DBT: variants seen among roughly 807,000 people sequenced by gnomAD.
DBT encodes dihydrolipoamide branched chain transacylase E2.
Under a neutral mutation model 51.3 loss-of-function variants are expected in DBT, and 40 were observed. The ratio of observed to expected loss-of-function variants is 0.78; its 90% confidence interval spans 0.61 to 1.02. The LOEUF (loss-of-function observed/expected upper bound fraction) is 1.02, where lower values mean the gene tolerates loss of function less well. Ranked by LOEUF, DBT falls within the 50% of genes least tolerant of loss-of-function variation. DBT has a pLI of 0.00. For synonymous variants in DBT, 181 were observed against 190.4 expected (o/e 0.95, Z 0.41); for missense variants, 510 against 580.2 (o/e 0.88, Z 1.24).
At chr1:100,197,750 G>A (rs1661198826) in intron 10 of DBT, among the ~76,000 whole-genome samples, 1 of 152,164 alleles carries the variant, frequency 6.6e-6, no homozygotes, top group African/African-American at 2.4e-5. Context: ...AGGTTGGATT[G>A]ATCAGTCATC....
chr1:100,200,157 C>A (rs143962287), intron 10 of DBT, among the ~76,000 whole-genome samples: 5 of 152,290 alleles, frequency 3.3e-5, no homozygotes, highest in African/African-American at 1.2e-4. Flanking sequence ...GATCCACTGG[C>A]TTGAAATTCT....
chr1:100,233,374 T>C (rs929683674), intron 3 of DBT, among the ~76,000 whole-genome samples: 1 of 152,218 alleles, frequency 6.6e-6, no homozygotes, highest in Non-Finnish European at 1.5e-5. Flanking sequence ...ATTCTAAGAA[T>C]GAGGTTTTAT....
chr1:100,196,877 T>C (rs539831083), intron 10 of DBT: 5 of 193,290 alleles, frequency 2.6e-5, no homozygotes, highest in African/African-American at 9.5e-5. Context: ...AACAACATGC[T>C]TGTGTTCTTT....
chr1:100,222,580 A>G (rs1039625520), intron 4 of DBT, among the ~76,000 whole-genome samples: 3 of 152,196 alleles, frequency 2.0e-5, no homozygotes, highest in African/African-American at 7.2e-5. Flanking sequence ...TCAGAGTCTC[A>G]ATGGTCCATG....
chr1:100,203,335 A>T (rs1013854249), intron 10 of DBT, among the ~76,000 whole-genome samples: 4 of 152,238 alleles, frequency 2.6e-5, no homozygotes, highest in Admixed American at 1.3e-4. Context: ...TTCACATATA[A>T]ACTAGAAAAT....
In DBT at chr1:100,214,761, A is replaced by G. The variant is rs967540374; in HGVS notation, c.939+56T>C. On this transcript the variant is annotated intron_variant, in intron 7 of 10. Transcript: ENST00000370132. ...AAGAGCAAAACTCTGTCTCAAAAAGACAAACAAACAAATAAATGTCCTACT... is the reference window on the plus strand; with the variant it reads ...AAGAGCAAAACTCTGTCTCAAAAAGGCAAACAAACAAATAAATGTCCTACT... 99 of 1,579,292 alleles carry G rather than the reference A, an allele frequency of 6.3e-5. 1 individual carries two copies. In the Admixed American group the frequency reaches 7.2e-4, roughly 11 times the overall value.
intron 1 of DBT, among the ~76,000 whole-genome samples, chr1:100,241,470 A>C (rs1212106708): frequency 1.3e-5 from 2 of 151,146 alleles, no homozygotes; most frequent in African/African-American, 4.9e-5. Context: ...ATCACAGTTC[A>C]CTGAAGCCTT....
intron 2 of DBT, among the ~76,000 whole-genome samples, chr1:100,239,819 T>C (rs1664100594): frequency 7.4e-6 from 1 of 135,864 alleles, no homozygotes; most frequent in South Asian, 2.2e-4. Flanking sequence ...GCTATGATTG[T>C]GCCACTGCAC....
At chr1:100,228,448 T>A (rs1049766761) in intron 4 of DBT, among the ~76,000 whole-genome samples, 2 of 152,136 alleles carry the variant, frequency 1.3e-5, no homozygotes. Context: ...AATCTAAATA[T>A]GGTCTGTCGA....
rs539641501 is a variant in DBT at position 100,210,322 on chromosome 1, T to G, written c.1017+372A>C. On this transcript the variant is annotated intron_variant, in intron 8 of 10. Coordinates refer to ENST00000370132, the MANE Select transcript of DBT (RefSeq NM_001918.5). ...GAGACTCTGCCAATAATAATAATAA[T>G]AATAAGAAGAAGAAGAAGAAGAAGA... 5.6e-3 allele frequency among the ~76,000 whole-genome samples: 360 copies of G among 63,872 alleles called. 3 individuals carry two copies. Among genetic ancestry groups the G allele is most frequent in the African/African-American group, 0.011 (327 of 30,774 alleles). The allele number at this position is 63,872 out of a possible 152,430, so 41.9% of individuals were successfully genotyped here. A position where few individuals can be genotyped will look rare whatever the true frequency, so the allele number is the denominator to read the frequency against.
chr1:100,221,262 G>A (rs897079954), intron 4 of DBT, among the ~76,000 whole-genome samples: 20 of 152,070 alleles, frequency 1.3e-4, no homozygotes, highest in African/African-American at 4.8e-4. Flanking sequence ...TGTAGTTGTT[G>A]GAAGAAAGCT....
intron 1 of DBT, among the ~76,000 whole-genome samples, chr1:100,245,178 G>A (rs1664467819): frequency 6.6e-6 from 1 of 151,726 alleles, no homozygotes; most frequent in Non-Finnish European, 1.5e-5. Flanking sequence ...GGTTGGCTGG[G>A]TGCAGTGGCT....
Position 100,209,098 on chromosome 1 carries a change from C to CT in DBT, c.1017+1595dup, listed in dbSNP as rs10707303. Among the ~76,000 whole-genome samples the CT allele has an allele frequency of 1.5e-3, 200 of 134,446 alleles. 1 individual carries two copies. Among genetic ancestry groups the CT allele is most frequent in the African/African-American group, 4.8e-3 (177 of 36,918 alleles). The allele number at this position is 134,446 out of a possible 152,430, so 88.2% of individuals were successfully genotyped here. A position where few individuals can be genotyped will look rare whatever the true frequency, so the allele number is the denominator to read the frequency against. On this transcript the variant is annotated intron_variant, in intron 8 of 10. Transcript: ENST00000370132. Reference sequence around the variant, plus strand: ...TTTCTTTTTTCTTTTCTTTTCTTTTCTTTTTTTTTTTTTGACAAAGGCAGG... The same window carrying CT: ...TTTCTTTTTTCTTTTCTTTTCTTTTCTTTTTTTTTTTTTTGACAAAGGCAGG...
intron 1 of DBT, among the ~76,000 whole-genome samples, chr1:100,245,606 G>A (rs1405342482): frequency 6.6e-6 from 1 of 152,126 alleles, no homozygotes; most frequent in African/African-American, 2.4e-5. Context: ...AACTATACGT[G>A]TAGTCTAAGT....
intron 7 of DBT, chr1:100,213,688 G>T: frequency 1.2e-5 from 20 of 1,606,964 alleles, no homozygotes; most frequent in Non-Finnish European, 1.7e-5. Flanking sequence ...ACCAGGCTCG[G>T]CCTTTCCTAC....
chr1:100,197,742 G>A (rs997474594), intron 10 of DBT, among the ~76,000 whole-genome samples: 2 of 152,262 alleles, frequency 1.3e-5, no homozygotes, highest in Non-Finnish European at 1.5e-5. Flanking sequence ...TTCCAAAGAG[G>A]TTGGATTGAT....
At chr1:100,206,780 A>G in intron 8 of DBT, 144 bp from the exon 9 acceptor site, 1 of 651,720 alleles carries the variant, frequency 1.5e-6, no homozygotes, top group Admixed American at 2.6e-5. Flanking sequence ...TAATTTAAAA[A>G]TAATTTTTAA....
chr1:100,202,776 C>T (rs1187981343), intron 10 of DBT, among the ~76,000 whole-genome samples: 2 of 152,222 alleles, frequency 1.3e-5, no homozygotes, highest in Non-Finnish European at 2.9e-5. Context: ...TTAAGAAACT[C>T]ACTCAAAACC....
At chr1:100,224,404 G>A (rs567795481) in intron 4 of DBT, among the ~76,000 whole-genome samples, 4 of 152,132 alleles carry the variant, frequency 2.6e-5, no homozygotes, top group African/African-American at 4.8e-5. Flanking sequence ...TCATTAAGCT[G>A]AATTTAATTT....
Sources: allele counts gnomAD v4.1 joint callset (sites outside exome capture counted in the v4.1 genomes callset), GRCh38; gene constraint gnomAD v4.1.1; transcripts MANE v1.5; gene names NCBI Gene and HGNC (gene_info 2026-07-23, HGNC 2026-07-21).